The following NPFFR2 variants were observed in gnomAD, a reference collection of about 807,000 sequenced individuals.
NPFFR2 encodes the protein G-protein coupled receptor 74.
A neutral mutation model predicts 13.1 loss-of-function variants in NPFFR2; 15 were observed. The ratio of observed to expected loss-of-function variants is 1.15; its 90% CI spans 0.77 to 1.76. NPFFR2 has a LOEUF of 1.76. Among genes scored for constraint, NPFFR2 ranks in the 40% most tolerant of loss-of-function variants. The probability of loss-of-function intolerance (pLI) is 0.00; values close to 1 mark genes in which losing one functional copy is unlikely to be tolerated. For missense variants in NPFFR2, 572 were observed against 503.5 expected (o/e 1.14, Z -1.30); for synonymous variants, 190 against 175.7 (o/e 1.08, Z -0.65).
intron 1 of NPFFR2, among the ~76,000 whole-genome samples, chr4:72,048,045 T>G (rs1403375478): frequency 6.6e-6 from 1 of 152,178 alleles, no homozygotes; most frequent in Non-Finnish European, 1.5e-5. Context: ...CATATCATAT[T>G]ATGTGTGTAT....
At chr4:72,115,996 A>G (rs953879539) in intron 1 of NPFFR2, among the ~76,000 whole-genome samples, 3 of 152,196 alleles carry the variant, frequency 2.0e-5, no homozygotes, top group Admixed American at 6.5e-5. Context: ...TAGAATTAAA[A>G]TTAAAAATTA....
intron 1 of NPFFR2, among the ~76,000 whole-genome samples, chr4:72,091,022 G>C (rs534717705): frequency 2.6e-5 from 4 of 151,550 alleles, no homozygotes; most frequent in African/African-American, 9.7e-5. Flanking sequence ...AATCATAAAC[G>C]TTAATCTATT....
chr4:72,122,493 T>A (rs1274112405), intron 1 of NPFFR2, among the ~76,000 whole-genome samples: 1 of 152,120 alleles, frequency 6.6e-6, no homozygotes, highest in African/African-American at 2.4e-5. Flanking sequence ...ATTGACCACA[T>A]AATTGGAAGT....
chr4:72,144,298 C>T (rs1339012940), intron 3 of NPFFR2, among the ~76,000 whole-genome samples: 1 of 152,152 alleles, frequency 6.6e-6, no homozygotes, highest in Non-Finnish European at 1.5e-5. Flanking sequence ...GTTCAGGGCT[C>T]TGACGGTTTG....
chr4:72,117,327 A>T (rs4541475), intron 1 of NPFFR2, among the ~76,000 whole-genome samples: 152,303 of 152,334 alleles, frequency 1, 76,136 homozygotes, highest in Non-Finnish European at 1. Flanking sequence ...TTTACATTTA[A>T]TTTCTGCTTT....
chr4:72,139,484 C>T (rs1229201320), intron 3 of NPFFR2, among the ~76,000 whole-genome samples: 2 of 152,274 alleles, frequency 1.3e-5, no homozygotes, highest in East Asian at 3.9e-4. Context: ...TATGGCTAGA[C>T]AGTTTTCCCA....
At chr4:72,059,664 T>C (rs13148464) in intron 1 of NPFFR2, among the ~76,000 whole-genome samples, 23,013 of 152,062 alleles carry the variant, frequency 0.15, 2,133 homozygotes, top group South Asian at 0.25. Context: ...CGTATTCTTA[T>C]AGTATTAACT....
intron 1 of NPFFR2, among the ~76,000 whole-genome samples, chr4:72,080,006 C>T (rs1720559880): frequency 6.6e-6 from 1 of 152,168 alleles, no homozygotes; most frequent in Admixed American, 6.5e-5. Context: ...GGAAGAAATG[C>T]ACACTCTAGC....
At chr4:72,038,141 C>T (rs1308242906) in intron 1 of NPFFR2, among the ~76,000 whole-genome samples, 1 of 152,172 alleles carries the variant, frequency 6.6e-6, no homozygotes, top group Non-Finnish European at 1.5e-5. Context: ...CTCTCCCTGC[C>T]TGGGAATCGT....
At chr4:72,073,252 C>T (rs931756408) in intron 1 of NPFFR2, among the ~76,000 whole-genome samples, 4 of 151,998 alleles carry the variant, frequency 2.6e-5, no homozygotes, top group African/African-American at 9.7e-5. Context: ...ATGGATACCC[C>T]ATTTTTCATG....
At chr4:72,134,587 C>T (rs953969036) in intron 2 of NPFFR2, among the ~76,000 whole-genome samples, 1 of 152,216 alleles carries the variant, frequency 6.6e-6, no homozygotes, top group Non-Finnish European at 1.5e-5. Context: ...TTGGAAAGTG[C>T]TGTATCAATT....
chr4:72,122,217 A>C (rs1000650271), intron 1 of NPFFR2, among the ~76,000 whole-genome samples: 2 of 152,214 alleles, frequency 1.3e-5, no homozygotes, highest in Non-Finnish European at 2.9e-5. Flanking sequence ...ACTTAAATTT[A>C]TATGCACCCA....
At chr4:72,077,797 A>G (rs1407072841) in intron 1 of NPFFR2, among the ~76,000 whole-genome samples, 1 of 152,088 alleles carries the variant, frequency 6.6e-6, no homozygotes, top group Admixed American at 6.6e-5. Context: ...TTTTGTATTA[A>G]TTCCCTCACA....
chr4:72,118,634 C>T (rs1721779370), intron 1 of NPFFR2, among the ~76,000 whole-genome samples: 1 of 151,862 alleles, frequency 6.6e-6, no homozygotes. Context: ...ACAGCAAATG[C>T]TTAACAACCA....
chr4:72,077,729 T>C (rs1183422724), intron 1 of NPFFR2, among the ~76,000 whole-genome samples: 1 of 152,120 alleles, frequency 6.6e-6, no homozygotes, highest in South Asian at 2.1e-4. Context: ...TTTGTCCCGA[T>C]TTTTAAGGCA....
At chr4:72,052,783 C>G (rs1366459957) in intron 1 of NPFFR2, among the ~76,000 whole-genome samples, 1 of 151,942 alleles carries the variant, frequency 6.6e-6, no homozygotes, top group Non-Finnish European at 1.5e-5. Context: ...ACAATCTATT[C>G]TCTTTGAAGC....
Position 72,140,108 on chromosome 4 carries a change from G to T in NPFFR2, c.428+1969G>T, listed in dbSNP as rs191383903. On this transcript the variant is annotated intron_variant, in intron 3 of 3. Transcript: ENST00000308744. ...CTTGTGATTTTTGCACATTGATTTT[G>T]TATCCTGAGACTTTGCTGAAGTTGC... 3.5e-3 allele frequency among the ~76,000 whole-genome samples: 535 copies of T among 152,246 alleles called. 3 individuals carry two copies. The highest frequency in any genetic ancestry group is 0.012 in the African/African-American group (519 of 41,538).
chr4:72,113,911 A>G (rs1194620581), intron 1 of NPFFR2, among the ~76,000 whole-genome samples: 2 of 152,076 alleles, frequency 1.3e-5, no homozygotes, highest in African/African-American at 4.8e-5. Context: ...TTTAAGGGAC[A>G]TTTTCCAGGG....
Position 72,101,232 on chromosome 4 carries a change from A to G in NPFFR2, c.-7-27353A>G, listed in dbSNP as rs116604261. 5.1e-3 allele frequency among the ~76,000 whole-genome samples: 777 copies of G among 152,106 alleles called. 6 individuals carry two copies. The highest frequency in any genetic ancestry group is 0.018 in the African/African-American group (746 of 41,528). The stretch of plus-strand genomic sequence containing the variant: ...ACTGAGGTAATTCACATGCCATACA[A>G]TTCTCCTATTTATGCACATTACTTC... On this transcript the variant is annotated intron_variant, in intron 1 of 3. Coordinates refer to ENST00000308744, the MANE Select transcript of NPFFR2 (RefSeq NM_004885.3).
Sources: allele counts gnomAD v4.1 joint callset (sites outside exome capture counted in the v4.1 genomes callset), GRCh38; gene constraint gnomAD v4.1.1; transcripts MANE v1.5; gene names NCBI Gene and HGNC (gene_info 2026-07-23, HGNC 2026-07-21).